FBXO25: variants seen among roughly 807,000 people sequenced by gnomAD.
The protein encoded by FBXO25 is F-box protein 25.
In FBXO25, 45 loss-of-function variants were observed where a neutral mutation model predicts 51.9. That is an observed-to-expected ratio of 0.87 (90% CI 0.68 to 1.11). The LOEUF (loss-of-function observed/expected upper bound fraction) is 1.11. FBXO25 is among the 50% of genes most tolerant of loss of function. The pLI, the probability that FBXO25 is intolerant of heterozygous loss-of-function variation, is 0.00. For synonymous variants in FBXO25, 199 were observed against 151.0 expected, an observed-to-expected ratio of 1.32 and a Z score of -2.33; for missense variants, 507 against 428.5, an observed-to-expected ratio of 1.18 and a Z score of -1.62.
intron 9 of FBXO25, among the ~76,000 whole-genome samples, chr8:465,271 T>C (rs1800080352): frequency 6.6e-6 from 1 of 152,228 alleles, no homozygotes; most frequent in Admixed American, 6.5e-5. Context: ...CATGTGACTG[T>C]GTCTTCAGTC....
intron 2 of FBXO25, among the ~76,000 whole-genome samples, chr8:422,642 T>C (rs1797225105): frequency 6.6e-6 from 1 of 152,202 alleles, no homozygotes; most frequent in South Asian, 2.1e-4. Flanking sequence ...TCTGAAACTC[T>C]TGTGCAAGTC....
intron 8 of FBXO25, among the ~76,000 whole-genome samples, chr8:460,544 G>T (rs1303712328): frequency 6.6e-6 from 1 of 152,208 alleles, no homozygotes. Context: ...GAGAAAACTG[G>T]ACTGGTTCAA....
intron 2 of FBXO25, among the ~76,000 whole-genome samples, chr8:414,609 T>C (rs1331708615): frequency 2.6e-5 from 4 of 152,340 alleles, no homozygotes; most frequent in Non-Finnish European, 5.9e-5. Flanking sequence ...TGTTTTTTTT[T>C]CCGCTGCACA....
rs973702158 is a variant in FBXO25, at chr8:469,936, C to G, written c.*1132C>G. The stretch of plus-strand genomic sequence containing the variant: ...CACTTCTGTGAACTGACACAAATGG[C>G]CAAGAATGCATTTATTTGTCAAATT... On this transcript the variant is annotated 3_prime_UTR_variant, in exon 10 of 10. Transcript: ENST00000350302. 6.6e-6 allele frequency: 1 copy of G among 152,094 alleles called. No homozygotes were observed. The highest frequency in any genetic ancestry group is 6.6e-5 in the Admixed American group (1 of 15,264). 9.4% of individuals were successfully genotyped at this position (152,094 alleles called of 1,614,324 possible).
chr8:432,625 C>G (rs1797881229), intron 3 of FBXO25, among the ~76,000 whole-genome samples: 1 of 152,080 alleles, frequency 6.6e-6, no homozygotes, highest in African/African-American at 2.4e-5. Context: ...TCATTTATGT[C>G]TTCATATGGC....
intron 2 of FBXO25, among the ~76,000 whole-genome samples, chr8:425,236 T>A (rs1563069454): frequency 1.3e-5 from 2 of 152,146 alleles, no homozygotes; most frequent in Non-Finnish European, 2.9e-5. Flanking sequence ...TATAGTTTTA[T>A]CACCAAGTGT....
At position 417,707 on chromosome 8, in the gene FBXO25, C is replaced by G. The variant is rs537489585; in HGVS notation, c.134+4494C>G. On this transcript the variant is annotated intron_variant, in intron 2 of 9. Transcript: ENST00000350302. ...ATTGCATGTTCATCCTTTTCCTCCACTTGTATTTCCTGGAAGTTGTTCCAT... is the reference window on the plus strand; with the variant it reads ...ATTGCATGTTCATCCTTTTCCTCCAGTTGTATTTCCTGGAAGTTGTTCCAT... Among the ~76,000 whole-genome samples the G allele has an allele frequency of 3.1e-4, 47 of 152,334 alleles. No homozygotes were observed. The South Asian group carries it at 7.0e-3, about 23-fold the overall frequency.
intron 2 of FBXO25, chr8:420,285 CAGTGCTGGCAAGGACAGTGCCA>C (rs1186989802): frequency 6.6e-6 from 1 of 152,206 alleles, no homozygotes; most frequent in Non-Finnish European, 1.5e-5. Context: ...CGAAGCATCC[CAGTGCTGGCAAGGACAGTGCCA>C]AGTGCTGGCA....
intron 5 of FBXO25, among the ~76,000 whole-genome samples, chr8:442,918 C>T (rs1364358436): frequency 6.6e-6 from 1 of 152,082 alleles, no homozygotes; most frequent in African/African-American, 2.4e-5. Flanking sequence ...CTATTTAATT[C>T]CAGGCATTTC....
At chr8:450,301 T>C (rs1225203658) in intron 6 of FBXO25, among the ~76,000 whole-genome samples, 2 of 152,224 alleles carry the variant, frequency 1.3e-5, no homozygotes, top group African/African-American at 4.8e-5. Flanking sequence ...CAAATGGATA[T>C]ATTAGGAAAA....
At chr8:454,540 T>A (rs1037973790) in intron 7 of FBXO25, among the ~76,000 whole-genome samples, 1 of 152,168 alleles carries the variant, frequency 6.6e-6, no homozygotes, top group Non-Finnish European at 1.5e-5. Flanking sequence ...ATAACAGATA[T>A]GCACACAGGG....
At chr8:449,823 G>A in intron 5 of FBXO25, among the ~76,000 whole-genome samples, 167 bp from the exon 6 acceptor site, 1 of 152,162 alleles carries the variant, frequency 6.6e-6, no homozygotes, top group East Asian at 1.9e-4. Context: ...GTCTCTTCAG[G>A]TTTGCATGGG....
chr8:431,612 G>A (rs1425084627), intron 3 of FBXO25, among the ~76,000 whole-genome samples, 168 bp downstream of exon 3: 9 of 152,164 alleles, frequency 5.9e-5, no homozygotes, highest in East Asian at 5.8e-4. Flanking sequence ...CAGCTCAACC[G>A]TTTCAGTGGG....
chr8:425,493 A>G (rs1797417556), intron 2 of FBXO25, among the ~76,000 whole-genome samples: 1 of 150,056 alleles, frequency 6.7e-6, no homozygotes, highest in Non-Finnish European at 1.5e-5. Context: ...TCTTAGTTCT[A>G]TTCTTTTTCT....
At position 455,666 on chromosome 8, in the gene FBXO25, C is replaced by CAGTT. The variant is rs1799375654; in HGVS notation, c.661-2702_661-2699dup. Among the ~76,000 whole-genome samples the CAGTT allele has an allele frequency of 2.0e-5, 3 of 152,322 alleles. No homozygotes were observed. In the South Asian group the frequency reaches 6.2e-4, roughly 32 times the overall value. ...TCCACAGAGAAGTGGGAATCATTGA[C>CAGTT]AGTTGCATGCAATAGCTGAGACTAT... On this transcript the variant is annotated intron_variant, in intron 7 of 9. Transcript: ENST00000350302.
At chr8:425,352 T>C (rs1461057408) in intron 2 of FBXO25, among the ~76,000 whole-genome samples, 1 of 152,020 alleles carries the variant, frequency 6.6e-6, no homozygotes, top group African/African-American at 2.4e-5. Flanking sequence ...TTTCTTTTCC[T>C]TATCTTTTAC....
intron 1 of FBXO25, among the ~76,000 whole-genome samples, chr8:407,697 C>T (rs1309262324): frequency 6.6e-6 from 1 of 152,042 alleles, no homozygotes; most frequent in East Asian, 1.9e-4. Flanking sequence ...TAGGTGTGAC[C>T]CCTCATTCCT....
Position 472,714 on chromosome 8 carries a change from C to T in FBXO25, c.*3910C>T, listed in dbSNP as rs1437824657. ...TCAATTATCCTTTAAGAGGATAAGA[C>T]CATTTTCTCCAGAGATGCCTTTTAA... On this transcript the variant is annotated 3_prime_UTR_variant, in exon 10 of 10. Transcript: ENST00000350302. 6.6e-6 allele frequency: 1 copy of T among 152,234 alleles called. No individual in the cohort carries two copies. The highest frequency in any genetic ancestry group is 1.5e-5 in the Non-Finnish European group (1 of 68,038). The allele number at this position is 152,234 out of a possible 1,614,324, so 9.4% of individuals were successfully genotyped here. A position where few individuals can be genotyped will look rare whatever the true frequency, so the allele number is the denominator to read the frequency against.
intron 5 of FBXO25, among the ~76,000 whole-genome samples, chr8:437,699 C>G (rs1411972316): frequency 6.6e-6 from 1 of 152,024 alleles, no homozygotes; most frequent in Non-Finnish European, 1.5e-5. Context: ...CTGGCCCATG[C>G]CCAGTGCCCT....
Sources: gnomAD v4.1 joint callset for allele counts (sites outside exome capture counted in the v4.1 genomes callset) on GRCh38, gnomAD v4.1.1 for gene constraint, MANE v1.5 for transcripts, NCBI Gene and HGNC (gene_info 2026-07-23, HGNC 2026-07-21) for gene names.